Variants in KCNQ4 observed in about 807,000 individuals in gnomAD.
The protein encoded by KCNQ4 is potassium voltage-gated channel subfamily KQT member 4.
In KCNQ4, 31 loss-of-function variants were observed where a neutral mutation model predicts 72.6. The ratio of observed to expected loss-of-function variants is 0.43; its 90% CI spans 0.32 to 0.58. KCNQ4 has a LOEUF of 0.58. Ranked by LOEUF, KCNQ4 falls within the 20% of genes least tolerant of loss-of-function variation. The pLI is 0.08. For missense variants in KCNQ4, 869 were observed against 962.6 expected, an observed-to-expected ratio of 0.90 and a Z score of 1.29; for synonymous variants, 405 against 403.7, an observed-to-expected ratio of 1.00 and a Z score of -0.04.
intron 1 of KCNQ4, among the ~76,000 whole-genome samples, chr1:40,815,495 C>T (rs1199381148): frequency 1.3e-5 from 2 of 152,198 alleles, no homozygotes; most frequent in South Asian, 2.1e-4. Context: ...GATGCAGGTA[C>T]ATGTGGCCGC....
chr1:40,834,635 A>G (rs1023180109), intron 11 of KCNQ4, among the ~76,000 whole-genome samples: 4 of 150,294 alleles, frequency 2.7e-5, no homozygotes, highest in Non-Finnish European at 1.5e-5. Flanking sequence ...TGCCTGCCCC[A>G]CAATGTCCCA....
At chr1:40,793,004 CTTTTT>C (rs10549805) in intron 1 of KCNQ4, among the ~76,000 whole-genome samples, 12 of 109,074 alleles carry the variant, frequency 1.1e-4, no homozygotes, top group African/African-American at 3.7e-4. Context: ...TTCTTTCTTT[CTTTTT>C]TTTTTTTTTT....
chr1:40,822,167 CCT>C (rs1648317098), intron 7 of KCNQ4, 145 bp from the exon 8 acceptor site: 4 of 695,906 alleles, frequency 5.7e-6, no homozygotes, highest in Non-Finnish European at 1.0e-5. Flanking sequence ...CTTGGCTGCC[CCT>C]GTCAGTGGCT....
chr1:40,787,732 G>A (rs1251391474), intron 1 of KCNQ4, among the ~76,000 whole-genome samples: 1 of 152,126 alleles, frequency 6.6e-6, no homozygotes, highest in Non-Finnish European at 1.5e-5. Flanking sequence ...TTTAAGCCCT[G>A]AAGCCTTCAC....
chr1:40,785,023 A>G (rs1333404373), intron 1 of KCNQ4, among the ~76,000 whole-genome samples: 1 of 152,058 alleles, frequency 6.6e-6, no homozygotes, highest in Non-Finnish European at 1.5e-5. Context: ...CTCCACCCTC[A>G]ACTTCCCAGT....
intron 1 of KCNQ4, among the ~76,000 whole-genome samples, chr1:40,809,918 A>G (rs1647875757): frequency 6.6e-6 from 1 of 152,026 alleles, no homozygotes; most frequent in South Asian, 2.1e-4. Context: ...TACAAAACTT[A>G]GCCGGGCGTG....
intron 9 of KCNQ4, among the ~76,000 whole-genome samples, chr1:40,830,697 G>T (rs1487967154): frequency 6.6e-6 from 1 of 152,066 alleles, no homozygotes; most frequent in Non-Finnish European, 1.5e-5. Context: ...GCCTGTCTGT[G>T]CCCAAAGGGG....
At chr1:40,830,984 C>T in intron 9 of KCNQ4, 100 bp from the exon 10 acceptor site, 1 of 1,019,024 alleles carries the variant, frequency 9.8e-7, no homozygotes, top group Non-Finnish European at 1.5e-6. Context: ...GAATCCAGAC[C>T]TAATAGCCAC....
At chr1:40,827,421 G>A (rs1357360829) in intron 9 of KCNQ4, among the ~76,000 whole-genome samples, 2 of 152,170 alleles carry the variant, frequency 1.3e-5, no homozygotes, top group Non-Finnish European at 2.9e-5. Flanking sequence ...CAAGCAAGGA[G>A]GCAAGAGGGA....
intron 8 of KCNQ4, among the ~76,000 whole-genome samples, chr1:40,823,476 G>A (rs930670306): frequency 3.9e-5 from 6 of 152,214 alleles, no homozygotes; most frequent in Admixed American, 6.5e-5. Context: ...CAGAGGAACA[G>A]AGCCTAGTCT....
intron 10 of KCNQ4, 41 bp from the exon 11 acceptor site, chr1:40,832,973 G>A (rs748172566): frequency 6.8e-7 from 1 of 1,462,316 alleles, no homozygotes; most frequent in Non-Finnish European, 9.6e-7. Context: ...GTTGGGAGTG[G>A]CCCCTTTGGT....
intron 1 of KCNQ4, among the ~76,000 whole-genome samples, chr1:40,793,107 A>G (rs1420825343): frequency 7.0e-6 from 1 of 143,380 alleles, no homozygotes; most frequent in Non-Finnish European, 1.5e-5. Flanking sequence ...GGCTCAAGTG[A>G]TCCTTCCACC....
intron 1 of KCNQ4, among the ~76,000 whole-genome samples, chr1:40,804,538 G>A (rs2148306191): frequency 6.6e-6 from 1 of 152,306 alleles, no homozygotes; most frequent in Admixed American, 6.5e-5. Context: ...ACCATCATCA[G>A]CTGGTAGTGG....
Position 40,838,345 on chromosome 1 carries a change from T to C in KCNQ4, c.1910T>C (p.Leu637Ser), listed in dbSNP as rs1414200298. 3.1e-6 allele frequency: 5 copies of C among 1,613,898 alleles called. No individual in the cohort carries two copies. Among genetic ancestry groups the C allele is most frequent in the Non-Finnish European group, 4.2e-6 (5 of 1,179,926 alleles). ...ATCGAGCACAAGCTGGACCTGCTGT[T>C]GGGCTTCTATTCGCGCTGCCTGCGC... ...QSIEHKLDLL[L>S]GFYSRCLRSG... The change falls in exon 14 of 14, where the codon TTG (leucine) becomes TCG (serine). Residue 637 changes from leucine to serine, a missense_variant. Coordinates refer to ENST00000347132, the MANE Select transcript of KCNQ4 (RefSeq NM_004700.4).
rs1418193459 is a variant in KCNQ4, at chr1:40,819,343, G to A, written c.709-4G>A. ...CTCACCGCGCCCCTCCGCCTGCCCC[G>A]CAGGAGCTGATCACCGCCTGGTACA... On this transcript the variant is annotated splice_region_variant and splice_polypyrimidine_tract_variant and intron_variant, in intron 4 of 13. Coordinates refer to ENST00000347132, the MANE Select transcript of KCNQ4 (RefSeq NM_004700.4). 16 of 1,613,470 alleles carry A rather than the reference G, an allele frequency of 9.9e-6. No individual in the cohort carries two copies. The South Asian group carries it at 1.1e-4, about 11-fold the overall frequency.
chr1:40,800,833 C>T (rs1019517279), intron 1 of KCNQ4, among the ~76,000 whole-genome samples: 2 of 152,142 alleles, frequency 1.3e-5, no homozygotes, highest in African/African-American at 2.4e-5. Context: ...CCCACAGGGG[C>T]CCTGGAATCC....
Position 40,812,717 on chromosome 1 carries a change from G to A in KCNQ4, c.315-4548G>A, listed in dbSNP as rs529864001. Among the ~76,000 whole-genome samples, 8 of 152,298 alleles carry A rather than the reference G, an allele frequency of 5.3e-5. 1 individual carries two copies. The South Asian group carries it at 1.7e-3, about 32-fold the overall frequency. On this transcript the variant is annotated intron_variant, in intron 1 of 13. Transcript: ENST00000347132. ...CAAATGGAGATGGTCAAGGTCAGAG[G>A]CGTTACTTTTTAGGAAAGACATGGG...
chr1:40,803,909 G>A (rs376751484), intron 1 of KCNQ4, among the ~76,000 whole-genome samples: 12 of 152,208 alleles, frequency 7.9e-5, no homozygotes, highest in African/African-American at 2.7e-4. Flanking sequence ...CTCCTGGGCT[G>A]GGCTCAGTCT....
At chr1:40,804,613 C>T (rs1161274232) in intron 1 of KCNQ4, among the ~76,000 whole-genome samples, 1 of 151,792 alleles carries the variant, frequency 6.6e-6, no homozygotes, top group Non-Finnish European at 1.5e-5. Flanking sequence ...CCCAGGAGTT[C>T]GAGACGAGCC....
Sources: gnomAD v4.1 joint callset for allele counts (sites outside exome capture counted in the v4.1 genomes callset) on GRCh38, gnomAD v4.1.1 for gene constraint, MANE v1.5 for transcripts, NCBI Gene and HGNC (gene_info 2026-07-23, HGNC 2026-07-21) for gene names.